Variants in SPOCK3 observed in about 807,000 individuals in gnomAD.
SPOCK3 encodes testican-3.
A neutral mutation model predicts 56.6 loss-of-function variants in SPOCK3; 30 were observed. The ratio of observed to expected loss-of-function variants is 0.53; its 90% confidence interval spans 0.40 to 0.72. SPOCK3 has a LOEUF of 0.72. Ranked by LOEUF, SPOCK3 falls within the 30% of genes least tolerant of loss-of-function variation. SPOCK3 has a pLI of 0.00. For missense variants in SPOCK3, 527 were observed against 530.0 expected (o/e 0.99, Z 0.06); for synonymous variants, 196 against 183.3 (o/e 1.07, Z -0.56).
At chr4:167,080,010 G>C (rs2150287143) in intron 2 of SPOCK3, among the ~76,000 whole-genome samples, 1 of 152,120 alleles carries the variant, frequency 6.6e-6, no homozygotes, top group South Asian at 2.1e-4. Context: ...GAAGTTGAGA[G>C]AATCTGCTAT....
At chr4:166,802,823 A>C (rs541999206) in intron 6 of SPOCK3, among the ~76,000 whole-genome samples, 1 of 152,116 alleles carries the variant, frequency 6.6e-6, no homozygotes, top group Non-Finnish European at 1.5e-5. Context: ...GTGTGTGTAC[A>C]ACTTACAACT....
At chr4:167,107,223 T>G (rs1656326178) in intron 2 of SPOCK3, among the ~76,000 whole-genome samples, 1 of 151,748 alleles carries the variant, frequency 6.6e-6, no homozygotes, top group African/African-American at 2.4e-5. Flanking sequence ...AAGCCAATAT[T>G]CCTGATGAAT....
chr4:167,084,352 T>G (rs1353746286), intron 2 of SPOCK3, among the ~76,000 whole-genome samples: 4 of 152,118 alleles, frequency 2.6e-5, no homozygotes. Context: ...TTTTTTTAAG[T>G]TCAGTTTCTC....
intron 6 of SPOCK3, among the ~76,000 whole-genome samples, chr4:166,799,392 T>C (rs1742305173): frequency 6.6e-6 from 1 of 151,904 alleles, no homozygotes; most frequent in South Asian, 2.1e-4. Context: ...GATCAAGGAG[T>C]AACAGCAGCT....
chr4:167,034,665 G>A (rs950606371), intron 3 of SPOCK3, among the ~76,000 whole-genome samples: 1 of 152,078 alleles, frequency 6.6e-6, no homozygotes, highest in Admixed American at 6.6e-5. Flanking sequence ...TGGCCTCCAA[G>A]ATCTATATCT....
At chr4:167,070,279 G>A (rs976891046) in intron 2 of SPOCK3, among the ~76,000 whole-genome samples, 2 of 151,716 alleles carry the variant, frequency 1.3e-5, no homozygotes, top group Non-Finnish European at 2.9e-5. Context: ...TATAGTTGTG[G>A]GAAGCATAAA....
At chr4:167,131,987 A>C (rs1019024899) in intron 2 of SPOCK3, among the ~76,000 whole-genome samples, 1 of 152,194 alleles carries the variant, frequency 6.6e-6, no homozygotes, top group Non-Finnish European at 1.5e-5. Flanking sequence ...TTTATATTTG[A>C]ATGTTACTTT....
intron 6 of SPOCK3, among the ~76,000 whole-genome samples, chr4:166,840,132 G>A (rs2126824650): frequency 6.6e-6 from 1 of 152,280 alleles, no homozygotes; most frequent in East Asian, 1.9e-4. Context: ...AAAAGTAGTG[G>A]TACCTCATTA....
chr4:166,882,642 C>G (rs1262544471), intron 6 of SPOCK3, among the ~76,000 whole-genome samples: 1 of 152,124 alleles, frequency 6.6e-6, no homozygotes, highest in Non-Finnish European at 1.5e-5. Flanking sequence ...TAACATACAA[C>G]TACATAAGCT....
At chr4:166,861,146 T>C (rs532178959) in intron 6 of SPOCK3, among the ~76,000 whole-genome samples, 1 of 152,126 alleles carries the variant, frequency 6.6e-6, no homozygotes, top group South Asian at 2.1e-4. Flanking sequence ...CCTTTCCATA[T>C]GATAAGTGCA....
intron 6 of SPOCK3, among the ~76,000 whole-genome samples, chr4:166,845,284 G>A (rs906537596): frequency 1.3e-5 from 2 of 151,928 alleles, no homozygotes; most frequent in African/African-American, 4.8e-5. Context: ...AGAACAATTG[G>A]TAAACCAAAA....
At chr4:166,940,405 G>A (rs1045462547) in intron 4 of SPOCK3, among the ~76,000 whole-genome samples, 3 of 152,036 alleles carry the variant, frequency 2.0e-5, no homozygotes, top group African/African-American at 7.2e-5. Flanking sequence ...CTGCATCTGA[G>A]GCAGGATAGG....
At chr4:167,229,436 T>A (rs746038533) in intron 2 of SPOCK3, among the ~76,000 whole-genome samples, 6 of 152,074 alleles carry the variant, frequency 3.9e-5, no homozygotes, top group Admixed American at 1.3e-4. Flanking sequence ...AATACTTTAT[T>A]TGGAGTAGAC....
intron 2 of SPOCK3, among the ~76,000 whole-genome samples, chr4:167,209,415 T>C (rs543708440): frequency 2.0e-5 from 3 of 152,272 alleles, no homozygotes; most frequent in South Asian, 2.1e-4. Context: ...ATAAAAATGA[T>C]ATTTCAAAGA....
intron 2 of SPOCK3, among the ~76,000 whole-genome samples, chr4:167,194,848 T>C (rs1384696275): frequency 6.6e-6 from 1 of 152,084 alleles, no homozygotes; most frequent in Non-Finnish European, 1.5e-5. Flanking sequence ...TCCAAAGACA[T>C]GGGGACTGTT....
At chr4:166,750,088 T>C (rs548683111) in intron 8 of SPOCK3, among the ~76,000 whole-genome samples, 50 of 152,284 alleles carry the variant, frequency 3.3e-4, no homozygotes, top group African/African-American at 1.2e-3. Context: ...AAGCTCTGTG[T>C]AAAAGAACAT....
At chr4:166,738,395 T>C (rs1410661786) in intron 9 of SPOCK3, among the ~76,000 whole-genome samples, 1 of 141,512 alleles carries the variant, frequency 7.1e-6, no homozygotes, top group East Asian at 2.0e-4. Flanking sequence ...TTGGGAATAG[T>C]AGAACAGATA....
chr4:166,795,455 T>G lies in SPOCK3; in HGVS notation c.590-3166A>C, dbSNP rs142556306. 5.8e-4 allele frequency among the ~76,000 whole-genome samples: 89 copies of G among 152,230 alleles called. 1 individual carries two copies. In the East Asian group the frequency reaches 0.016, roughly 27 times the overall value. ...CTTAGCTTTGGAGTATTATTAAAAA[T>G]AATACTTTACGTATAAAACTTTTGA... On this transcript the variant is annotated intron_variant, in intron 6 of 10. Transcript: ENST00000357545.
At chr4:166,846,705 T>A (rs1451979243) in intron 6 of SPOCK3, among the ~76,000 whole-genome samples, 2 of 152,144 alleles carry the variant, frequency 1.3e-5, no homozygotes, top group African/African-American at 2.4e-5. Flanking sequence ...AATACTGTAG[T>A]GTTATGTTTT....
Sources: allele counts gnomAD v4.1 joint callset (sites outside exome capture counted in the v4.1 genomes callset), GRCh38; gene constraint gnomAD v4.1.1; transcripts MANE v1.5; gene names NCBI Gene and HGNC (gene_info 2026-07-23, HGNC 2026-07-21).